Variants in POLG observed in about 807,000 individuals in gnomAD.
The protein encoded by POLG is DNA polymerase gamma, catalytic subunit.
Under a neutral mutation model 155.4 loss-of-function variants are expected in POLG, and 110 were observed. The observed-to-expected ratio is 0.71, with a 90% CI of 0.61 to 0.83. The LOEUF is 0.83. Ranked by LOEUF, POLG falls within the 40% of genes least tolerant of loss-of-function variation. The probability of loss-of-function intolerance (pLI) is 0.00; values close to 1 mark genes in which losing one functional copy is unlikely to be tolerated. For missense variants in POLG, 1,685 were observed against 1,627.5 expected, an observed-to-expected ratio of 1.04 and a Z score of -0.61; for synonymous variants, 701 against 631.5, an observed-to-expected ratio of 1.11 and a Z score of -1.65.
In POLG at chr15:89,325,215, T is replaced by TGAGA. The variant is rs1384679785; in HGVS notation, c.1949+234_1949+235insTCTC. ...GTGAGAGAGTGAGTGAGAGAGTGAG[T>TGAGA]GAGTGAGAGAGTGAGTGAGAGAGTG... On this transcript the variant is annotated intron_variant, in intron 10 of 22. Transcript: ENST00000268124. 2.9e-4 allele frequency among the ~76,000 whole-genome samples: 13 copies of TGAGA among 45,300 alleles called. 2 individuals are homozygous for TGAGA. The East Asian group carries it at 6.0e-3, about 21-fold the overall frequency. The allele number at this position is 45,300 out of a possible 152,430, so 29.7% of individuals were successfully genotyped here.
chr15:89,323,937 G>A, intron 11 of POLG, 36 bp from the exon 12 acceptor site: 1 of 1,565,256 alleles, frequency 6.4e-7, no homozygotes, highest in Non-Finnish European at 8.8e-7. Context: ...GTGAAGCAGG[G>A]GACTGGGTAG....
Position 89,328,844 on chromosome 15 carries a change from A to C in POLG, c.1024-13T>G. 6.2e-7 allele frequency: 1 copy of C among 1,614,048 alleles called. No individual in the cohort carries two copies. ...CCCAGGATGAGATCTGGGGAACCAG[A>C]GCAAGGGACATGGCAGATCAGCCTG... On this transcript the variant is annotated splice_polypyrimidine_tract_variant and intron_variant, in intron 4 of 22. Coordinates refer to ENST00000268124, the MANE Select transcript of POLG (RefSeq NM_002693.3).
At position 89,318,497 on chromosome 15, in the gene POLG, C is replaced by G. The variant is rs3176228; in HGVS notation, c.3482+44G>C. ...CAAGGAACGCTCACCCAAAGCCCCA[C>G]ATAGGAGCACATGGCCAGGCTAGAG... On this transcript the variant is annotated intron_variant, in intron 21 of 22. Coordinates refer to ENST00000268124, the MANE Select transcript of POLG (RefSeq NM_002693.3). 8 of 1,555,056 alleles carry G rather than the reference C, an allele frequency of 5.1e-6. No individual in the cohort carries two copies. In the South Asian group the frequency reaches 8.9e-5, roughly 17 times the overall value.
rs2055529067 is a variant in POLG, at chr15:89,326,935, G to A, written c.1562C>T (p.Pro521Leu). ...SKLPIEGAGA[P>L]GDPMDQEDLG... Reference sequence around the variant, plus strand: ...ACCTTCCTGATCCATGGGATCACCAGGGGCCCCAGCCCCCTCGATGGGCAA... The same window carrying A: ...ACCTTCCTGATCCATGGGATCACCAAGGGCCCCAGCCCCCTCGATGGGCAA... Residue 521 changes from proline to leucine, a missense_variant, in exon 8 of 23, where the codon CCT (proline) becomes CTT (leucine). By Grantham distance (98) the Pro-to-Leu change is moderately conservative. This residue lies in a region of POLG where 1,210 missense variants were observed against 1,167.1 expected (regional missense o/e 1.04). Coordinates refer to ENST00000268124, the MANE Select transcript of POLG (RefSeq NM_002693.3). 4 of 1,614,160 alleles carry A rather than the reference G, an allele frequency of 2.5e-6. No individual in the cohort carries two copies. Among genetic ancestry groups the A allele is most frequent in the African/African-American group, 2.7e-5 (2 of 75,052 alleles).
Position 89,322,002 on chromosome 15 carries a change from C to T in POLG, c.2440G>A (p.Val814Met), listed in dbSNP as rs549564927. 3.1e-6 allele frequency: 5 copies of T among 1,614,132 alleles called. No individual in the cohort carries two copies. The highest frequency in any genetic ancestry group is 1.3e-5 in the African/African-American group (1 of 75,056). Residue 814 changes from valine to methionine, a missense_variant, in exon 15 of 23, where the codon GTG becomes ATG. By Grantham distance (21) the Val-to-Met change is conservative. Around this residue, in one of 3 missense-constraint regions of POLG, gnomAD observed 1,210 missense variants for 1,167.1 expected, o/e 1.04. Coordinates refer to ENST00000268124, the MANE Select transcript of POLG (RefSeq NM_002693.3). The part of the protein sequence containing the change: ...AHKRISSQMV[V>M]WLPRSALPRA... ...GGCAGAGCTGACCTGGGCAGCCACA[C>T]CACCATCTGGGAGCTGTGGGGACAG...
intron 8 of POLG, 40 bp downstream of exon 8, chr15:89,326,870 GAC>G (rs1567191031): frequency 1.2e-6 from 2 of 1,612,668 alleles, no homozygotes; most frequent in South Asian, 2.2e-5. Context: ...CCTTCCCAGA[GAC>G]AACCCCTACC....
intron 10 of POLG, among the ~76,000 whole-genome samples, chr15:89,325,181 A>G (rs2055483164): frequency 2.2e-5 from 2 of 90,434 alleles, no homozygotes; most frequent in Admixed American, 2.0e-4. Context: ...AGAGTGAGAG[A>G]GTGAGTGAGT....
At chr15:89,333,998 G>A in intron 1 of POLG, 85 bp from the exon 2 acceptor site, 1 of 580,278 alleles carries the variant, frequency 1.7e-6, no homozygotes, top group Non-Finnish European at 3.0e-6. Context: ...AGCATTTACT[G>A]CGTCCCCAAC....
intron 10 of POLG, among the ~76,000 whole-genome samples, chr15:89,325,155 T>TGA (rs1170735559): frequency 4.6e-5 from 2 of 43,922 alleles, no homozygotes; most frequent in African/African-American, 3.2e-4. Flanking sequence ...AGTGAGTGAG[T>TGA]GAGTGAGTGA....
intron 10 of POLG, among the ~76,000 whole-genome samples, chr15:89,324,508 A>G: frequency 6.6e-6 from 1 of 152,244 alleles, no homozygotes; most frequent in East Asian, 1.9e-4. Flanking sequence ...CTGAGAGCAC[A>G]GCAGCGGGAG....
Position 89,328,446 on chromosome 15 carries a change from T to TC in POLG, c.1250+9dup. The stretch of plus-strand genomic sequence containing the variant: ...GACCCCCAGAGATTCCCACATGGGC[T>TC]CCCCCTCACCTCTCCAAGAAGAGCG... On this transcript the variant is annotated intron_variant, in intron 6 of 22. Coordinates refer to ENST00000268124, the MANE Select transcript of POLG (RefSeq NM_002693.3). 6.2e-7 allele frequency: 1 copy of TC among 1,609,616 alleles called. No individual in the cohort carries two copies.
chr15:89,320,934 G>A lies in POLG; in HGVS notation c.2813C>T (p.Thr938Ile). 6.2e-7 allele frequency: 1 copy of A among 1,614,004 alleles called. No individual in the cohort carries two copies. The highest frequency in any genetic ancestry group is 8.5e-7 in the Non-Finnish European group (1 of 1,180,028). Residue 938 changes from threonine to isoleucine, a missense_variant, in exon 18 of 23, where the codon ACT becomes ATT. Transcript: ENST00000268124. The stretch of plus-strand genomic sequence containing the variant: ...GGCATGCTCACGGCTGATGCCCACA[G>A]TAGTGGCTGTCTTACTGTGTAGATC... ...GTDLHSKTAT[T>I]VGISREHAKI...
intron 13 of POLG, among the ~76,000 whole-genome samples, chr15:89,323,173 C>T (rs549463189): frequency 6.6e-6 from 1 of 152,242 alleles, no homozygotes; most frequent in Non-Finnish European, 1.5e-5. Context: ...TCGTACCAAA[C>T]ATACGACGTG....
At chr15:89,329,209 A>C in intron 3 of POLG, 99 bp from the exon 4 acceptor site, 1 of 991,806 alleles carries the variant, frequency 1.0e-6, no homozygotes, top group South Asian at 1.4e-5. Flanking sequence ...GCCCCACCTC[A>C]GCTCCTCAAA....
At chr15:89,318,403 A>G in intron 21 of POLG, 138 bp downstream of exon 21, 1 of 681,710 alleles carries the variant, frequency 1.5e-6, no homozygotes, top group Non-Finnish European at 2.5e-6. Flanking sequence ...TTTAAAAATT[A>G]GAAATAAATA....
chr15:89,329,124 G>A lies in POLG; in HGVS notation c.856-14C>T, dbSNP rs745487374. 3.7e-6 allele frequency: 6 copies of A among 1,606,784 alleles called. No homozygotes were observed. The highest frequency in any genetic ancestry group is 1.7e-5 in the Admixed American group (1 of 59,546). On this transcript the variant is annotated splice_polypyrimidine_tract_variant and intron_variant, in intron 3 of 22. Transcript: ENST00000268124. ...CATGCGGGAACCCTGAGGAGGAGGA[G>A]GAGAAAAGGGAAGGGAAGGAGGGAG...
rs2055498559 is a variant in POLG at position 89,325,299 on chromosome 15, G to GTGTGTGTGTGT, written c.1949+150_1949+151insACACACACACA. The GTGTGTGTGTGT allele has an allele frequency of 2.1e-5, 11 of 527,304 alleles. No homozygotes were observed. In the African/African-American group the frequency reaches 3.2e-4, roughly 15 times the overall value. 32.7% of individuals were successfully genotyped at this position (527,304 alleles called of 1,614,324 possible). On this transcript the variant is annotated intron_variant, in intron 10 of 22. Coordinates refer to ENST00000268124, the MANE Select transcript of POLG (RefSeq NM_002693.3). ...GAGAGAGAGAAAGAGAGAGAGAGAG[G>GTGTGTGTGTGT]GTGTGTGTGTGTGTGTTAATTTTTT...
intron 18 of POLG, 188 bp from the exon 19 acceptor site, chr15:89,319,538 C>A (rs2055363808): frequency 1.3e-6 from 1 of 759,098 alleles, no homozygotes; most frequent in African/African-American, 1.7e-5. Flanking sequence ...GATCATGGAG[C>A]TAGAAAGAGA....
In POLG at chr15:89,334,816, C is replaced by G. The variant is rs1170008249; in HGVS notation, c.-303G>C. ...TCCGCTTCGCTGGCAGCCGCAACTTCCCGTCTGCACCCAGCTAGGTCCCGC... is the reference window on the plus strand; with the variant it reads ...TCCGCTTCGCTGGCAGCCGCAACTTGCCGTCTGCACCCAGCTAGGTCCCGC... On this transcript the variant is annotated 5_prime_UTR_variant, in exon 1 of 23. Coordinates refer to ENST00000268124, the MANE Select transcript of POLG (RefSeq NM_002693.3). The G allele has an allele frequency of 6.6e-6, 1 of 152,320 alleles. No individual in the cohort carries two copies. Among genetic ancestry groups the G allele is most frequent in the Non-Finnish European group, 1.5e-5 (1 of 68,098 alleles). The allele number at this position is 152,320 out of a possible 1,614,324, so 9.4% of individuals were successfully genotyped here. A position where few individuals can be genotyped will look rare whatever the true frequency, so the allele number is the denominator to read the frequency against.
Sources: gnomAD v4.1 joint callset for allele counts (sites outside exome capture counted in the v4.1 genomes callset) on GRCh38, gnomAD v4.1.1 for gene constraint, gnomAD v4.1.1 regional missense constraint, MANE v1.5 for transcripts, NCBI Gene and HGNC (gene_info 2026-07-23, HGNC 2026-07-21) for gene names.